The following BEND2 variants were observed in gnomAD, a reference collection of about 807,000 sequenced individuals.
BEND2 encodes BEN domain-containing protein 2.
Under a neutral mutation model 43.8 loss-of-function variants are expected in BEND2, and 19 were observed. That is an observed-to-expected ratio of 0.43 (90% CI 0.30 to 0.64). The LOEUF (loss-of-function observed/expected upper bound fraction) is 0.64, where lower values mean the gene tolerates loss of function less well. BEND2 is among the 30% of genes least tolerant of loss of function. The probability of loss-of-function intolerance (pLI) is 0.11; values close to 1 mark genes in which losing one functional copy is unlikely to be tolerated. For synonymous variants in BEND2, 226 were observed against 210.1 expected, an observed-to-expected ratio of 1.08 and a Z score of -0.66; for missense variants, 544 against 574.0, an observed-to-expected ratio of 0.95 and a Z score of 0.53.
At chrX:18,187,152 T>TA (rs369809271) in intron 8 of BEND2, among the ~76,000 whole-genome samples, 58 of 109,419 alleles carry the variant, frequency 5.3e-4, no homozygotes, top group African/African-American at 1.8e-3. Flanking sequence ...AACTTACCAA[T>TA]AAAAAAAATT....
intron 13 of BEND2, among the ~76,000 whole-genome samples, chrX:18,166,277 C>T (rs1406591809): frequency 1.8e-5 from 2 of 111,950 alleles, no homozygotes; most frequent in African/African-American, 3.3e-5. Context: ...CAGGTGGCAA[C>T]AAGGAGCCTA....
At chrX:18,217,651 T>C (rs919532504) in intron 1 of BEND2, among the ~76,000 whole-genome samples, 1 of 111,189 alleles carries the variant, frequency 9.0e-6, no homozygotes, top group Admixed American at 9.7e-5. Flanking sequence ...CACTCTGAAG[T>C]CTACTTAATA....
At chrX:18,206,699 T>G (rs1439660504) in intron 4 of BEND2, among the ~76,000 whole-genome samples, 1 of 109,796 alleles carries the variant, frequency 9.1e-6, no homozygotes, top group Non-Finnish European at 1.9e-5. Context: ...ATGGGGGCAG[T>G]TGGTTGGCTG....
chrX:18,180,256 C>T (rs1229657222), intron 9 of BEND2, among the ~76,000 whole-genome samples: 1 of 112,296 alleles, frequency 8.9e-6, no homozygotes, highest in Non-Finnish European at 1.9e-5. Context: ...GCTCTGTGAC[C>T]TTGGGGATGG....
chrX:18,215,645 C>T (rs1276774952), intron 2 of BEND2, among the ~76,000 whole-genome samples: 8 of 112,151 alleles, frequency 7.1e-5, no homozygotes, highest in African/African-American at 2.6e-4. Context: ...CATCTGTTTA[C>T]ATATCAGCTG....
At chrX:18,216,430 A>T in intron 2 of BEND2, 91 bp downstream of exon 2, 1 of 791,888 alleles carries the variant, frequency 1.3e-6, no homozygotes, top group Non-Finnish European at 1.9e-6. Context: ...ATAACTAATT[A>T]CTGTAAAGGT....
chrX:18,190,919 G>A, intron 8 of BEND2, 82 bp downstream of exon 8: 7 of 858,193 alleles, frequency 8.2e-6, no homozygotes, highest in Non-Finnish European at 9.8e-6. Context: ...GGGAAACTGG[G>A]TAAAGGTACA....
chrX:18,179,154 G>A (rs1316045786), intron 9 of BEND2, among the ~76,000 whole-genome samples: 1 of 102,469 alleles, frequency 9.8e-6, no homozygotes. Flanking sequence ...GCCCATTTCA[G>A]TACAGAGAAT....
intron 8 of BEND2, among the ~76,000 whole-genome samples, chrX:18,183,277 A>G (rs987604712): frequency 2.7e-5 from 3 of 111,218 alleles, no homozygotes; most frequent in African/African-American, 9.8e-5. Context: ...CATATAGAGT[A>G]TATTTTCTGA....
At position 18,203,510 on chromosome X, in the gene BEND2, G is replaced by T. The variant is rs777671556; in HGVS notation, c.898C>A (p.Pro300Thr). 8.3e-7 allele frequency: 1 copy of T among 1,204,187 alleles called. No individual in the cohort carries two copies. The highest frequency in any genetic ancestry group is 1.1e-6 in the Non-Finnish European group (1 of 889,721). The part of the protein sequence containing the change: ...GRALSSFCFH[P>T]NLEMPERPAN... ...GTCATTTCAAACTCACCCAAATTGGGATGGAAGCAGAAAGATGACAAGGCT... is the reference window on the plus strand; with the variant it reads ...GTCATTTCAAACTCACCCAAATTGGTATGGAAGCAGAAAGATGACAAGGCT... The change falls in exon 5 of 14, where the codon CCC becomes ACC. Residue 300 changes from proline to threonine, a missense_variant. By Grantham distance (38) the Pro-to-Thr change is conservative (BLOSUM62 -1). This residue lies in a region of BEND2 where 501 missense variants were observed against 501.6 expected (regional missense o/e 1.00). Coordinates refer to ENST00000380033, the MANE Select transcript of BEND2 (RefSeq NM_153346.5).
chrX:18,215,525 C>T (rs377337710), intron 2 of BEND2, among the ~76,000 whole-genome samples: 2 of 111,915 alleles, frequency 1.8e-5, no homozygotes. Context: ...ATATTATGGA[C>T]TTTTTTTACA....
intron 4 of BEND2, among the ~76,000 whole-genome samples, chrX:18,208,651 A>G (rs1014250372): frequency 8.9e-6 from 1 of 111,889 alleles, no homozygotes; most frequent in Admixed American, 9.5e-5. Flanking sequence ...GAAAAAGAGA[A>G]TATGAGAATA....
rs565181728 is a variant in BEND2, at chrX:18,166,716, C to T, written c.2186-1493G>A. On this transcript the variant is annotated intron_variant, in intron 13 of 13. Transcript: ENST00000380033. ...AGCCTGGGCAACAATGGTGAAACCCCGTCTCTACTAAAAATACAAAAAAAT... is the reference window on the plus strand; with the variant it reads ...AGCCTGGGCAACAATGGTGAAACCCTGTCTCTACTAAAAATACAAAAAAAT... Among the ~76,000 whole-genome samples, 8 of 109,234 alleles carry T rather than the reference C, an allele frequency of 7.3e-5. No individual in the cohort carries two copies. The South Asian group carries it at 2.9e-3, about 39-fold the overall frequency. 94.9% of individuals were successfully genotyped at this position (109,234 alleles called of 115,157 possible). A position where few individuals can be genotyped will look rare whatever the true frequency, so the allele number is the denominator to read the frequency against.
chrX:18,177,482 G>C (rs995829705), intron 10 of BEND2, 87 bp downstream of exon 10: 11 of 962,265 alleles, frequency 1.1e-5, no homozygotes, highest in Non-Finnish European at 1.3e-5. Flanking sequence ...CAGACTTATT[G>C]TTATTCCTTC....
At chrX:18,197,924 A>C (rs1339371369) in intron 6 of BEND2, among the ~76,000 whole-genome samples, 1 of 111,407 alleles carries the variant, frequency 9.0e-6, no homozygotes, top group Non-Finnish European at 1.9e-5. Context: ...CAAAAGCAGA[A>C]ACCCCTGACA....
chrX:18,192,053 C>T (rs1383183448), intron 7 of BEND2, among the ~76,000 whole-genome samples: 1 of 111,996 alleles, frequency 8.9e-6, no homozygotes, highest in Non-Finnish European at 1.9e-5. Context: ...AATAGTGCTA[C>T]ATATAGCAAG....
intron 8 of BEND2, among the ~76,000 whole-genome samples, chrX:18,183,129 A>G (rs1264201833): frequency 9.1e-6 from 1 of 109,474 alleles, no homozygotes; most frequent in Admixed American, 9.8e-5. Flanking sequence ...ACCAACCAAC[A>G]GGATTTTCAT....
rs1287563195 is a variant in BEND2, at chrX:18,191,031, A to C, written c.1258T>G (p.Ser420Ala). The C allele has an allele frequency of 8.3e-7, 1 of 1,209,771 alleles. No homozygotes were observed. The highest frequency in any genetic ancestry group is 1.8e-5 in the South Asian group (1 of 56,611). The change falls in exon 8 of 14, where the codon TCA becomes GCA. Residue 420 changes from serine (S) to alanine (A), a missense_variant. Ser to Ala is a moderately conservative substitution (Grantham distance 99, BLOSUM62 1). Transcript: ENST00000380033. ...MKNNCDQDDA[S>A]ASACLTPDFA... ...TCGGGAGTGAGGCAGGCAGATGCTG[A>C]AGCATCATCTTGGTCACAGTTATTT...
At chrX:18,186,425 TCCAGCC>T (rs1397315941) in intron 8 of BEND2, among the ~76,000 whole-genome samples, 9 of 88,018 alleles carry the variant, frequency 1.0e-4, no homozygotes, top group Admixed American at 7.6e-4. Flanking sequence ...GCCATTGCAC[TCCAGCC>T]TGGGTGAAAA....
Sources: allele counts gnomAD v4.1 joint callset (sites outside exome capture counted in the v4.1 genomes callset), GRCh38; gene constraint gnomAD v4.1.1; regional missense constraint gnomAD v4.1.1; transcripts MANE v1.5; gene names NCBI Gene and HGNC (gene_info 2026-07-23, HGNC 2026-07-21).